MEGF9: variants seen among roughly 807,000 people sequenced by gnomAD.
The protein encoded by MEGF9 is multiple EGF like domains 9.
A neutral mutation model predicts 46.8 loss-of-function variants in MEGF9; 6 were observed. That is an observed-to-expected ratio of 0.13 (90% CI 0.07 to 0.25). The LOEUF (loss-of-function observed/expected upper bound fraction) is 0.25, where lower values mean the gene tolerates loss of function less well. MEGF9 is among the 10% of genes least tolerant of loss of function. The pLI, the probability that MEGF9 is intolerant of heterozygous loss-of-function variation, is 1.00. For synonymous variants in MEGF9, 302 were observed against 330.7 expected (o/e 0.91, Z 0.94); for missense variants, 683 against 792.4 (o/e 0.86, Z 1.66).
intron 2 of MEGF9, among the ~76,000 whole-genome samples, chr9:120,647,646 T>C (rs2043631647): frequency 6.6e-6 from 1 of 152,158 alleles, no homozygotes; most frequent in Admixed American, 6.5e-5. Flanking sequence ...TAAAAAAAAG[T>C]GAAGTATTGT....
chr9:120,631,776 T>C (rs1181376414), intron 2 of MEGF9, among the ~76,000 whole-genome samples: 2 of 152,312 alleles, frequency 1.3e-5, no homozygotes, highest in African/African-American at 4.8e-5. Flanking sequence ...TAAGCCACTG[T>C]GCCCGGCCCT....
rs184676832 is a variant in MEGF9, at chr9:120,679,870, G to A, written c.602-20295C>T. Among the ~76,000 whole-genome samples, 81 of 151,500 alleles carry A rather than the reference G, an allele frequency of 5.3e-4. 1 individual carries two copies. The highest frequency in any genetic ancestry group is 4.8e-3 in the South Asian group (23 of 4,782). On this transcript the variant is annotated intron_variant, in intron 1 of 5. Transcript: ENST00000373930. ...GGAGAATCACCTGAACCCAGGAGGC[G>A]GAGGTTGCAGTGAGCCAAGATTGTG...
At chr9:120,693,433 G>C (rs376836393) in intron 1 of MEGF9, among the ~76,000 whole-genome samples, 1 of 152,216 alleles carries the variant, frequency 6.6e-6, no homozygotes. Flanking sequence ...CAGATTTTAA[G>C]TGTGTGTATT....
At position 120,605,078 on chromosome 9, in the gene MEGF9, C is replaced by G. The variant is rs768599041; in HGVS notation, c.*112G>C. 1.9e-6 allele frequency: 2 copies of G among 1,029,474 alleles called. No homozygotes were observed. The highest frequency in any genetic ancestry group is 2.8e-6 in the Non-Finnish European group (2 of 709,862). 63.8% of individuals were successfully genotyped at this position (1,029,474 alleles called of 1,614,324 possible). A position where few individuals can be genotyped will look rare whatever the true frequency, so the allele number is the denominator to read the frequency against. ...AATTTGTACCTGAAAATTTCAGATG[C>G]ACTATTTGCCTTTGCTTTCTCAGCA... On this transcript the variant is annotated 3_prime_UTR_variant, in exon 6 of 6. Transcript: ENST00000373930. The surrounding 1 kb of genome is among the most constrained non-coding windows in gnomAD (Gnocchi z 4.0).
chr9:120,700,755 C>T (rs78293529), intron 1 of MEGF9, among the ~76,000 whole-genome samples: 3,105 of 152,096 alleles, frequency 0.02, 44 homozygotes, highest in Non-Finnish European at 0.031. Flanking sequence ...CTACACTTTT[C>T]CTAGAATATT....
intron 3 of MEGF9, 92 bp from the exon 4 acceptor site, chr9:120,612,631 G>T: frequency 8.6e-7 from 1 of 1,161,378 alleles, no homozygotes; most frequent in East Asian, 2.5e-5. Flanking sequence ...AAGATCATAA[G>T]AAAAAGAAAA....
chr9:120,604,455 T>C lies in MEGF9; in HGVS notation c.*735A>G, dbSNP rs2043411071. On this transcript the variant is annotated 3_prime_UTR_variant, in exon 6 of 6. Coordinates refer to ENST00000373930, the MANE Select transcript of MEGF9 (RefSeq NM_001080497.3). The stretch of plus-strand genomic sequence containing the variant: ...ACAACGTCGACCAGATATGCTACAT[T>C]AACTATGTACACCTTATTTCTCTAG... The C allele has an allele frequency of 6.5e-6, 1 of 152,750 alleles. No homozygotes were observed. Among genetic ancestry groups the C allele is most frequent in the African/African-American group, 2.4e-5 (1 of 41,556 alleles). The allele number at this position is 152,750 out of a possible 1,614,324, so 9.5% of individuals were successfully genotyped here.
Position 120,713,869 on chromosome 9 carries a change from C to T in MEGF9, c.490G>A (p.Val164Ile). ...GTCCGGGGAGTCGTGGGCGCCGGTA[C>T]GGTGGTCGCTACAGGGGTGGTCGGC... ...PAPTTPVATT[V>I]PAPTTPRTPT... Residue 164 changes from valine to isoleucine, a missense_variant, in exon 1 of 6, where the codon GTA becomes ATA. By Grantham distance (29) the Val-to-Ile change is conservative. Around this residue, in one of 2 missense-constraint regions of MEGF9, gnomAD observed 370 missense variants for 371.3 expected, o/e 1.00. Transcript: ENST00000373930. The T allele has an allele frequency of 7.7e-7, 1 of 1,302,286 alleles. No homozygotes were observed. Among genetic ancestry groups the T allele is most frequent in the Non-Finnish European group, 9.8e-7 (1 of 1,022,898 alleles). The allele number at this position is 1,302,286 out of a possible 1,614,324, so 80.7% of individuals were successfully genotyped here.
In MEGF9 at chr9:120,664,996, G is replaced by A. The variant is rs1391281317; in HGVS notation, c.602-5421C>T. On this transcript the variant is annotated intron_variant, in intron 1 of 5. Transcript: ENST00000373930. ...TAGCACATCCATTACCTCAAACATT[G>A]ATCATTTCATTGTACTATGAACATT... Among the ~76,000 whole-genome samples, 4 of 152,030 alleles carry A rather than the reference G, an allele frequency of 2.6e-5. 1 individual carries two copies. The highest frequency in any genetic ancestry group is 5.9e-5 in the Non-Finnish European group (4 of 68,008).
intron 2 of MEGF9, among the ~76,000 whole-genome samples, chr9:120,635,370 T>A (rs570079880): frequency 6.6e-6 from 1 of 152,348 alleles, no homozygotes; most frequent in South Asian, 2.1e-4. Context: ...TCCACACGCT[T>A]GGGAATTTTT....
intron 1 of MEGF9, among the ~76,000 whole-genome samples, chr9:120,703,878 CAGG>C (rs1202108409): frequency 1.3e-5 from 2 of 151,768 alleles, no homozygotes; most frequent in Non-Finnish European, 2.9e-5. Context: ...GAGGCTGAGG[CAGG>C]AGAATCACTT....
chr9:120,637,267 C>A (rs2043581589), intron 2 of MEGF9, among the ~76,000 whole-genome samples: 2 of 151,902 alleles, frequency 1.3e-5, no homozygotes, highest in Admixed American at 1.3e-4. Context: ...TGTCAAGTAC[C>A]CAGGGACACA....
chr9:120,610,125 A>C (rs2043438808), intron 4 of MEGF9, among the ~76,000 whole-genome samples: 1 of 152,184 alleles, frequency 6.6e-6, no homozygotes, highest in African/African-American at 2.4e-5. Flanking sequence ...AGAAATACTT[A>C]GGTTACTTTC....
At chr9:120,638,280 C>T (rs543937554) in intron 2 of MEGF9, among the ~76,000 whole-genome samples, 1 of 152,336 alleles carries the variant, frequency 6.6e-6, no homozygotes, top group Admixed American at 6.5e-5. Context: ...GCATGGGCCA[C>T]CACACCCAGC....
chr9:120,708,719 G>A (rs2043939679), intron 1 of MEGF9, among the ~76,000 whole-genome samples: 1 of 152,126 alleles, frequency 6.6e-6, no homozygotes, highest in South Asian at 2.1e-4. Context: ...CTGTCTATAG[G>A]AACACACCGC....
Position 120,639,508 on chromosome 9 carries a change from T to TAAAA in MEGF9, c.804-16757_804-16754dup, listed in dbSNP as rs61638928. ...GGGTGACAGAGTGAGACTCCGTCTT[T>TAAAA]AAAAAAAAAAAAAAAAAAAAAAAAA... On this transcript the variant is annotated intron_variant, in intron 2 of 5. Transcript: ENST00000373930. Among the ~76,000 whole-genome samples, 255 of 105,126 alleles carry TAAAA rather than the reference T, an allele frequency of 2.4e-3. 1 individual carries two copies. The highest frequency in any genetic ancestry group is 8.9e-3 in the African/African-American group (230 of 25,902). The allele number at this position is 105,126 out of a possible 152,430, so 69.0% of individuals were successfully genotyped here.
chr9:120,654,868 A>C (rs777570952), intron 2 of MEGF9, among the ~76,000 whole-genome samples: 1 of 152,242 alleles, frequency 6.6e-6, no homozygotes, highest in South Asian at 2.1e-4. Context: ...TTTACGTCGT[A>C]GTTTTTAACA....
At chr9:120,657,057 T>C (rs2043680633) in intron 2 of MEGF9, among the ~76,000 whole-genome samples, 1 of 152,162 alleles carries the variant, frequency 6.6e-6, no homozygotes, top group Non-Finnish European at 1.5e-5. Context: ...AAAGGCCAAA[T>C]AGTAAATATT....
intron 2 of MEGF9, among the ~76,000 whole-genome samples, chr9:120,629,863 G>T (rs1053051163): frequency 6.6e-6 from 1 of 152,010 alleles, no homozygotes; most frequent in Non-Finnish European, 1.5e-5. Context: ...AACCTGGCAG[G>T]TGGAGGTTGC....
Sources: gnomAD v4.1 joint callset for allele counts (sites outside exome capture counted in the v4.1 genomes callset) on GRCh38, gnomAD v4.1.1 for gene constraint, gnomAD v4.1.1 regional missense constraint, Gnocchi (gnomAD v3.1) non-coding constraint, MANE v1.5 for transcripts, NCBI Gene and HGNC (gene_info 2026-07-23, HGNC 2026-07-21) for gene names.